Variants in RBM19 observed in about 807,000 individuals in gnomAD.
RBM19 encodes RNA binding motif protein 19.
RBM19 carries 94 observed loss-of-function variants against 116.8 expected under a neutral mutation model. That is an observed-to-expected ratio of 0.80 (90% CI 0.68 to 0.95). The LOEUF (loss-of-function observed/expected upper bound fraction) is 0.95. Ranked by LOEUF, RBM19 falls within the 40% of genes least tolerant of loss-of-function variation. RBM19 has a pLI of 0.00. For synonymous variants in RBM19, 475 were observed against 494.1 expected (o/e 0.96, Z 0.51); for missense variants, 1,161 against 1,220.7 (o/e 0.95, Z 0.73).
At chr12:113,946,594 G>A in intron 11 of RBM19, 119 bp from the exon 12 acceptor site, 1 of 1,348,070 alleles carries the variant, frequency 7.4e-7, no homozygotes, top group Non-Finnish European at 1.0e-6. Flanking sequence ...ACCCTGACCA[G>A]AGGGTGGGAG....
At chr12:113,854,202 G>GA (rs1212377671) in intron 22 of RBM19, among the ~76,000 whole-genome samples, 1 of 152,130 alleles carries the variant, frequency 6.6e-6, no homozygotes, top group Non-Finnish European at 1.5e-5. Context: ...CTATCTCCTA[G>GA]AGTCCCATGA....
At chr12:113,821,166 C>T (rs115039436), downstream of RBM19, among the ~76,000 whole-genome samples, 21 of 152,308 alleles carry the variant, frequency 1.4e-4, no homozygotes, top group African/African-American at 4.8e-4. Context: ...GATCCGAATA[C>T]AGAGCCCATG....
At position 113,960,051 on chromosome 12, in the gene RBM19, T is replaced by G; in HGVS notation, c.339+8A>C. On this transcript the variant is annotated splice_region_variant and intron_variant, in intron 3 of 23. Coordinates refer to ENST00000261741, the MANE Select transcript of RBM19 (RefSeq NM_016196.4). ...TGGGGACAGAGGCTAGAGTGACCCT[T>G]TACATACTTTCTTAATTTCTGGAGT... The G allele has an allele frequency of 6.2e-7, 1 of 1,614,196 alleles. No homozygotes were observed. The highest frequency in any genetic ancestry group is 8.5e-7 in the Non-Finnish European group (1 of 1,180,018).
chr12:113,889,957 C>T (rs540345251), intron 21 of RBM19, among the ~76,000 whole-genome samples: 128 of 152,264 alleles, frequency 8.4e-4, no homozygotes, highest in African/African-American at 2.9e-3. Context: ...CCGCACCCTC[C>T]TTCTCCAGCT....
chr12:113,912,888 C>G (rs1330273299), intron 21 of RBM19, among the ~76,000 whole-genome samples: 1 of 152,150 alleles, frequency 6.6e-6, no homozygotes, highest in Non-Finnish European at 1.5e-5. Context: ...CTCACAGCGA[C>G]CCCTGCTGTC....
intron 19 of RBM19, among the ~76,000 whole-genome samples, chr12:113,919,920 C>G (rs1883007877): frequency 6.6e-6 from 1 of 152,306 alleles, no homozygotes; most frequent in Non-Finnish European, 1.5e-5. Flanking sequence ...TCACAGCCCC[C>G]TAATGGTCTC....
intron 21 of RBM19, among the ~76,000 whole-genome samples, chr12:113,888,029 A>G (rs1409662569): frequency 6.6e-6 from 1 of 152,136 alleles, no homozygotes; most frequent in Non-Finnish European, 1.5e-5. Context: ...GCTCATCCCA[A>G]CTTTTTACAA....
intron 15 of RBM19, among the ~76,000 whole-genome samples, chr12:113,937,433 A>G (rs1593615639): frequency 6.6e-6 from 1 of 152,186 alleles, no homozygotes; most frequent in African/African-American, 2.4e-5. Context: ...ATGAAACTCT[A>G]AAGTTTCATA....
At chr12:113,848,760 C>T (rs972256126) in intron 22 of RBM19, among the ~76,000 whole-genome samples, 1 of 152,130 alleles carries the variant, frequency 6.6e-6, no homozygotes, top group Non-Finnish European at 1.5e-5. Context: ...TTTTCTAAAC[C>T]TCAGCTGCGG....
At chr12:113,963,399 AG>A in intron 1 of RBM19, among the ~76,000 whole-genome samples, 1 of 152,168 alleles carries the variant, frequency 6.6e-6, no homozygotes, top group East Asian at 1.9e-4. Flanking sequence ...AGTGGAGTTG[AG>A]GGGACATTCA....
At chr12:113,920,399 G>A (rs1868424647) in intron 19 of RBM19, among the ~76,000 whole-genome samples, 1 of 152,202 alleles carries the variant, frequency 6.6e-6, no homozygotes, top group Non-Finnish European at 1.5e-5. Flanking sequence ...ATAGTGCTGT[G>A]GATCAAATGA....
At chr12:113,952,392 T>C in intron 8 of RBM19, 120 bp downstream of exon 8, 1 of 887,078 alleles carries the variant, frequency 1.1e-6, no homozygotes, top group Non-Finnish European at 1.8e-6. Flanking sequence ...TCCACACAAC[T>C]GAGGACCACA....
chr12:113,880,062 G>C (rs529710459), intron 21 of RBM19, among the ~76,000 whole-genome samples: 1 of 151,356 alleles, frequency 6.6e-6, no homozygotes, highest in African/African-American at 2.4e-5. Context: ...CTCTGGTCCC[G>C]GGGGTGGTGA....
At chr12:113,899,969 TGCCGC>T in intron 21 of RBM19, among the ~76,000 whole-genome samples, 1 of 152,200 alleles carries the variant, frequency 6.6e-6, no homozygotes, top group East Asian at 1.9e-4. Flanking sequence ...TAGAGTGAGC[TGCCGC>T]GGCTGCTTGG....
intron 21 of RBM19, among the ~76,000 whole-genome samples, chr12:113,892,930 A>G (rs967455149): frequency 1.3e-5 from 2 of 152,190 alleles, no homozygotes; most frequent in South Asian, 2.1e-4. Flanking sequence ...AAACTCACCA[A>G]TAATGATCTT....
At chr12:113,947,539 G>C in intron 10 of RBM19, 75 bp from the exon 11 acceptor site, 1 of 1,485,908 alleles carries the variant, frequency 6.7e-7, no homozygotes, top group Non-Finnish European at 9.1e-7. Context: ...GTGAGCACCA[G>C]CTGTGAGCCA....
rs958765029 is a variant in RBM19, at chr12:113,898,706, C to G, written c.2558+16263G>C. On this transcript the variant is annotated intron_variant, in intron 21 of 23. Coordinates refer to ENST00000261741, the MANE Select transcript of RBM19 (RefSeq NM_016196.4). The surrounding 1 kb of genome is among the most constrained non-coding windows in gnomAD (Gnocchi z 4.3). ...TATTCTCATCCTGCACAAGCACTTA[C>G]TTATGCAAACAGGCATTCTCTGCAT... 1.1e-4 allele frequency among the ~76,000 whole-genome samples: 16 copies of G among 152,218 alleles called. No individual in the cohort carries two copies. The highest frequency in any genetic ancestry group is 4.4e-5 in the Non-Finnish European group (3 of 68,044).
intron 22 of RBM19, among the ~76,000 whole-genome samples, chr12:113,846,270 T>C (rs1876963235): frequency 1.3e-5 from 2 of 152,188 alleles, no homozygotes; most frequent in South Asian, 2.1e-4. Flanking sequence ...GTTTCTTTTA[T>C]GCTGTGAAGA....
chr12:113,875,707 T>A (rs1879622750), intron 21 of RBM19, among the ~76,000 whole-genome samples: 1 of 152,124 alleles, frequency 6.6e-6, no homozygotes, highest in Non-Finnish European at 1.5e-5. Flanking sequence ...GAAAAATCAA[T>A]GGTCAGGAGG....
Sources: gnomAD v4.1 joint callset for allele counts (sites outside exome capture counted in the v4.1 genomes callset) on GRCh38, gnomAD v4.1.1 for gene constraint, Gnocchi (gnomAD v3.1) non-coding constraint, MANE v1.5 for transcripts, NCBI Gene and HGNC (gene_info 2026-07-23, HGNC 2026-07-21) for gene names.